PCDHA4: variants seen among roughly 807,000 people sequenced by gnomAD.
PCDHA4 encodes the protein protocadherin alpha 4.
In PCDHA4, 49 loss-of-function variants were observed where a neutral mutation model predicts 61.4. The ratio of observed to expected loss-of-function variants is 0.80; its 90% CI spans 0.63 to 1.01. The LOEUF is 1.01. Ranked by LOEUF, PCDHA4 falls within the 50% of genes least tolerant of loss-of-function variation. The pLI is 0.00. For synonymous variants in PCDHA4, 590 were observed against 550.3 expected (o/e 1.07, Z -1.01); for missense variants, 1,254 against 1,235.8 (o/e 1.01, Z -0.22).
At chr5:140,822,519 C>G in intron 1 of PCDHA4, 1 of 1,613,852 alleles carries the variant, frequency 6.2e-7, no homozygotes, top group East Asian at 2.2e-5. Flanking sequence ...TTTATAATGT[C>G]AGATTGTTGG....
At chr5:140,842,201 A>G (rs2150331632) in intron 1 of PCDHA4, 2 of 1,613,740 alleles carry the variant, frequency 1.2e-6, no homozygotes, top group East Asian at 2.2e-5. Context: ...TGACCACTTT[A>G]GCATAGATCG....
intron 1 of PCDHA4, among the ~76,000 whole-genome samples, chr5:140,893,379 ACAG>A (rs2063957000): frequency 6.6e-6 from 1 of 152,140 alleles, no homozygotes; most frequent in South Asian, 2.1e-4. Context: ...CATTTATGGG[ACAG>A]TGGCTCATGC....
intron 1 of PCDHA4, among the ~76,000 whole-genome samples, chr5:140,945,071 C>A (rs246061): frequency 0.56 from 85,726 of 151,850 alleles, 24,797 homozygotes; most frequent in African/African-American, 0.69. Context: ...CAGACTCCAC[C>A]AAAACACTCT....
chr5:140,824,420 T>G (rs1192549493), intron 1 of PCDHA4: 6 of 510,762 alleles, frequency 1.2e-5, no homozygotes, highest in Non-Finnish European at 2.0e-5. Flanking sequence ...TAGTTTGGAG[T>G]CATTCTCAAA....
intron 1 of PCDHA4, among the ~76,000 whole-genome samples, chr5:140,871,818 A>G (rs2053326422): frequency 6.6e-6 from 1 of 152,250 alleles, no homozygotes; most frequent in South Asian, 2.1e-4. Flanking sequence ...TAAAGTACCC[A>G]TGCCCCTTCA....
intron 1 of PCDHA4, among the ~76,000 whole-genome samples, chr5:140,970,004 G>A (rs1322154107): frequency 6.6e-6 from 1 of 152,200 alleles, no homozygotes; most frequent in Non-Finnish European, 1.5e-5. Context: ...CAGAGGGAGT[G>A]GATGATGGTG....
intron 1 of PCDHA4, chr5:140,883,561 C>T: frequency 1.2e-6 from 2 of 1,614,156 alleles, no homozygotes; most frequent in Non-Finnish European, 1.7e-6. Flanking sequence ...GGGACGGGGG[C>T]TCGCCTTCGC....
intron 1 of PCDHA4, among the ~76,000 whole-genome samples, chr5:140,962,257 A>C (rs915555866): frequency 6.6e-6 from 1 of 152,174 alleles, no homozygotes; most frequent in Admixed American, 6.5e-5. Context: ...AATGAAAAAT[A>C]ATTTTATAAT....
At chr5:140,892,011 A>G (rs1001369849) in intron 1 of PCDHA4, among the ~76,000 whole-genome samples, 10 of 152,244 alleles carry the variant, frequency 6.6e-5, no homozygotes, top group African/African-American at 2.4e-4. Flanking sequence ...CTGTTATAGC[A>G]GCACAAATGG....
At chr5:140,859,469 A>G in intron 1 of PCDHA4, 1 of 211,582 alleles carries the variant, frequency 4.7e-6, no homozygotes, top group Non-Finnish European at 9.2e-6. Context: ...CTACACTATC[A>G]ATTGTGTTTT....
intron 1 of PCDHA4, among the ~76,000 whole-genome samples, chr5:140,974,566 C>T (rs2096631979): frequency 6.6e-6 from 1 of 152,138 alleles, no homozygotes; most frequent in African/African-American, 2.4e-5. Context: ...GGCTGGAGTG[C>T]AATGGCATGA....
intron 1 of PCDHA4, chr5:140,865,753 A>T (rs894037976): frequency 2.6e-5 from 4 of 152,218 alleles, no homozygotes; most frequent in Admixed American, 1.3e-4. Flanking sequence ...CAGTGCCAGT[A>T]CATGGTGGAG....
chr5:140,876,898 A>G (rs2056678585), intron 1 of PCDHA4: 38 of 1,614,056 alleles, frequency 2.4e-5, no homozygotes, highest in Non-Finnish European at 3.1e-5. Flanking sequence ...CCACATCTTC[A>G]CGGTGTCGGC....
At chr5:140,975,330 A>G (rs563974651) in intron 1 of PCDHA4, among the ~76,000 whole-genome samples, 1 of 152,320 alleles carries the variant, frequency 6.6e-6, no homozygotes, top group African/African-American at 2.4e-5. Flanking sequence ...CATCCAGATG[A>G]TCTCCCTTTC....
At chr5:140,861,605 T>C in intron 1 of PCDHA4, 2 of 362,576 alleles carry the variant, frequency 5.5e-6, no homozygotes, top group Non-Finnish European at 1.1e-5. Context: ...TGAAGAACAA[T>C]AAAGACAACC....
chr5:140,869,506 C>G (rs782699561), intron 1 of PCDHA4: 20 of 1,614,178 alleles, frequency 1.2e-5, no homozygotes, highest in Admixed American at 6.7e-5. Context: ...GGTGTTCTCG[C>G]TCAGAGAACA....
At chr5:140,982,317 AG>A in intron 2 of PCDHA4, 157 bp from the exon 3 acceptor site, 1 of 1,347,244 alleles carries the variant, frequency 7.4e-7, no homozygotes, top group East Asian at 2.5e-5. Flanking sequence ...CAGTTTATGC[AG>A]GGTGACTGCT....
At chr5:140,866,827 AT>A (rs1488157876) in intron 1 of PCDHA4, 1 of 152,132 alleles carries the variant, frequency 6.6e-6, no homozygotes, top group Non-Finnish European at 1.5e-5. Context: ...TCTTCAATTG[AT>A]TTTACAAAAT....
At chr5:141,001,333 T>G (rs1554258097) in intron 3 of PCDHA4, among the ~76,000 whole-genome samples, 1 of 152,178 alleles carries the variant, frequency 6.6e-6, no homozygotes, top group African/African-American at 2.4e-5. Context: ...TCACCATAAT[T>G]TACATGATGT....
Sources: gnomAD v4.1 joint callset for allele counts (sites outside exome capture counted in the v4.1 genomes callset) on GRCh38, gnomAD v4.1.1 for gene constraint, MANE v1.5 for transcripts, NCBI Gene and HGNC (gene_info 2026-07-23, HGNC 2026-07-21) for gene names.